IFT43: variants seen among roughly 807,000 people sequenced by gnomAD.
IFT43 encodes intraflagellar transport protein 43 homolog.
IFT43 carries 33 observed loss-of-function variants against 32.3 expected under a neutral mutation model. The observed-to-expected ratio is 1.02, with a 90% CI of 0.77 to 1.37. The LOEUF is 1.37. Among genes scored for constraint, IFT43 ranks in the 40% most tolerant of loss-of-function variants. The pLI is 0.00. For missense variants in IFT43, 274 were observed against 265.9 expected (o/e 1.03, Z -0.21); for synonymous variants, 93 against 98.2 (o/e 0.95, Z 0.31).
At chr14:75,987,507 C>G (rs1044344367) in intron 1 of IFT43, among the ~76,000 whole-genome samples, 1 of 152,150 alleles carries the variant, frequency 6.6e-6, no homozygotes, top group Non-Finnish European at 1.5e-5. Context: ...AATCAGAAGG[C>G]TTTGCTCCTA....
chr14:75,989,011 T>A (rs577621097), intron 2 of IFT43, 34 bp downstream of exon 2: 1 of 1,611,028 alleles, frequency 6.2e-7, no homozygotes, highest in East Asian at 2.2e-5. Flanking sequence ...TCTGAAGAAA[T>A]ACTGTTTAAG....
intron 3 of IFT43, among the ~76,000 whole-genome samples, chr14:76,057,841 G>A (rs1433129351): frequency 6.6e-6 from 1 of 152,190 alleles, no homozygotes; most frequent in Non-Finnish European, 1.5e-5. Context: ...ATACAAAAAT[G>A]TAATCTCCAT....
At chr14:76,037,965 A>G (rs928600521) in intron 3 of IFT43, 1 of 152,212 alleles carries the variant, frequency 6.6e-6, no homozygotes, top group African/African-American at 2.4e-5. Flanking sequence ...AAAAGGACTT[A>G]ATCCTTGACC....
At chr14:76,026,804 T>C (rs2036405470) in intron 3 of IFT43, among the ~76,000 whole-genome samples, 1 of 152,192 alleles carries the variant, frequency 6.6e-6, no homozygotes, top group Non-Finnish European at 1.5e-5. Context: ...CAGCACTATT[T>C]GCAATAGCAA....
intron 2 of IFT43, among the ~76,000 whole-genome samples, chr14:75,999,281 ATTTT>A (rs371670856): frequency 4.1e-4 from 16 of 39,060 alleles, no homozygotes; most frequent in South Asian, 1.9e-3. Flanking sequence ...ATGTATATAT[ATTTT>A]TTTTTTTTTT....
rs865969620 is a variant in IFT43, at chr14:75,999,229, A to T, written c.147+10252A>T. 9.6e-3 allele frequency among the ~76,000 whole-genome samples: 50 copies of T among 5,190 alleles called. 1 individual carries two copies. Among genetic ancestry groups the T allele is most frequent in the African/African-American group, 0.042 (27 of 644 alleles). 3.4% of individuals were successfully genotyped at this position (5,190 alleles called of 152,430 possible). On this transcript the variant is annotated intron_variant, in intron 2 of 8. Transcript: ENST00000314067. Reference sequence around the variant, plus strand: ...ATTCATTTATATATAAATTCATTTTATATATATATATATATATATATATAT... The same window carrying T: ...ATTCATTTATATATAAATTCATTTTTTATATATATATATATATATATATAT...
chr14:76,025,132 ACTT>A (rs1271855228), intron 3 of IFT43, among the ~76,000 whole-genome samples: 8 of 152,232 alleles, frequency 5.3e-5, no homozygotes, highest in Non-Finnish European at 1.2e-4. Flanking sequence ...GAATTTAACT[ACTT>A]AAGATATACA....
At chr14:76,068,646 G>T (rs2037267773) in intron 5 of IFT43, among the ~76,000 whole-genome samples, 1 of 152,136 alleles carries the variant, frequency 6.6e-6, no homozygotes, top group Admixed American at 6.5e-5. Flanking sequence ...ATCCATTCTT[G>T]CTCTTGGAAT....
chr14:76,058,751 C>T, intron 4 of IFT43, 77 bp downstream of exon 4: 1 of 1,605,902 alleles, frequency 6.2e-7, no homozygotes. Context: ...TGGTCATGAT[C>T]TGTTCCACCT....
intron 3 of IFT43, among the ~76,000 whole-genome samples, chr14:76,033,285 C>G (rs1393300987): frequency 6.6e-6 from 1 of 152,116 alleles, no homozygotes; most frequent in Non-Finnish European, 1.5e-5. Context: ...AGAATCATGT[C>G]TGCAATATTC....
At chr14:76,032,670 CTATT>C (rs1306860259) in intron 3 of IFT43, among the ~76,000 whole-genome samples, 3 of 152,172 alleles carry the variant, frequency 2.0e-5, no homozygotes, top group African/African-American at 7.2e-5. Context: ...CACTCGGTGA[CTATT>C]TATTGAACAT....
intron 3 of IFT43, among the ~76,000 whole-genome samples, chr14:76,043,063 A>G (rs2036736797): frequency 6.6e-6 from 1 of 152,162 alleles, no homozygotes; most frequent in South Asian, 2.1e-4. Flanking sequence ...TAGCAGCCCC[A>G]TGCAGCCAGC....
At chr14:76,002,875 G>A (rs945132214) in intron 2 of IFT43, among the ~76,000 whole-genome samples, 3 of 152,208 alleles carry the variant, frequency 2.0e-5, no homozygotes, top group African/African-American at 4.8e-5. Flanking sequence ...CGAGAGCAAC[G>A]AAGTCCGTGG....
At position 76,061,105 on chromosome 14, in the gene IFT43, T is replaced by C. The variant is rs148582000; in HGVS notation, c.295+1732T>C. On this transcript the variant is annotated intron_variant, in intron 5 of 8. Transcript: ENST00000314067. The stretch of plus-strand genomic sequence containing the variant: ...TTAGTAGAGACAGAGTTTTACCATG[T>C]TGGCCAGTTTGGTCTCAAACTCCTG... Among the ~76,000 whole-genome samples, 420 of 152,254 alleles carry C rather than the reference T, an allele frequency of 2.8e-3. 4 individuals carry two copies. Among genetic ancestry groups the C allele is most frequent in the African/African-American group, 9.6e-3 (399 of 41,534 alleles).
intron 3 of IFT43, among the ~76,000 whole-genome samples, chr14:76,054,193 A>T (rs1052185929): frequency 6.6e-6 from 1 of 152,204 alleles, no homozygotes; most frequent in Non-Finnish European, 1.5e-5. Flanking sequence ...CAGCCCATGT[A>T]CATTGAAAAA....
chr14:76,059,318 T>TG lies in IFT43; in HGVS notation c.249-4dup. On this transcript the variant is annotated splice_polypyrimidine_tract_variant and intron_variant, in intron 4 of 8. Transcript: ENST00000314067. The stretch of plus-strand genomic sequence containing the variant: ...TTTTTGCTGTCCTTTTCTTCTTTTT[T>TG]GGGGGCAGTTTCCGCCTCAGACCAC... The TG allele has an allele frequency of 6.2e-7, 1 of 1,614,050 alleles. No homozygotes were observed. Among genetic ancestry groups the TG allele is most frequent in the South Asian group, 1.1e-5 (1 of 91,086 alleles).
At chr14:76,045,803 T>G (rs115679391) in intron 3 of IFT43, among the ~76,000 whole-genome samples, 2,094 of 152,306 alleles carry the variant, frequency 0.014, 54 homozygotes, top group African/African-American at 0.048. Flanking sequence ...ATGTGCTGCA[T>G]CTTTCTCACG....
At chr14:76,080,096 G>C (rs961706877) in intron 5 of IFT43, among the ~76,000 whole-genome samples, 2 of 152,174 alleles carry the variant, frequency 1.3e-5, no homozygotes, top group Admixed American at 6.5e-5. Flanking sequence ...TGTTCTGCTG[G>C]GGGCCGGAGT....
intron 5 of IFT43, among the ~76,000 whole-genome samples, chr14:76,071,317 T>TA (rs1412968939): frequency 2.6e-5 from 4 of 152,234 alleles, no homozygotes; most frequent in Non-Finnish European, 5.9e-5. Context: ...AGCCAGGCGT[T>TA]ATGCCGACTG....
Sources: allele counts gnomAD v4.1 joint callset (sites outside exome capture counted in the v4.1 genomes callset), GRCh38; gene constraint gnomAD v4.1.1; transcripts MANE v1.5; gene names NCBI Gene and HGNC (gene_info 2026-07-23, HGNC 2026-07-21).